Variants in RHAG observed in about 807,000 individuals in gnomAD.
RHAG encodes the protein ammonium transporter Rh type A.
A neutral mutation model predicts 42.4 loss-of-function variants in RHAG; 25 were observed. That is an observed-to-expected ratio of 0.59 (90% CI 0.43 to 0.82). RHAG has a LOEUF of 0.82. Among genes scored for constraint, RHAG ranks in the 40% least tolerant of loss-of-function variants. RHAG has a pLI of 0.00. For synonymous variants in RHAG, 182 were observed against 177.7 expected (o/e 1.02, Z -0.19); for missense variants, 483 against 504.6 (o/e 0.96, Z 0.41).
intron 6 of RHAG, among the ~76,000 whole-genome samples, chr6:49,611,736 C>G (rs960293311): frequency 1.3e-5 from 2 of 148,354 alleles, no homozygotes; most frequent in African/African-American, 5.1e-5. Context: ...CATCCTAAAT[C>G]TCTCTTTTTT....
rs749005033 is a variant in RHAG at position 49,611,073 on chromosome 6, C to T, written c.1018G>A (p.Val340Met). 6.8e-5 allele frequency: 109 copies of T among 1,613,788 alleles called. No homozygotes were observed. Among genetic ancestry groups the T allele is most frequent in the Non-Finnish European group, 8.9e-5 (105 of 1,179,878 alleles). ...GCCACAATGCCTGCAAGGCCTCCCA[C>T]TACACCAGGTAAGCCGTGGAGGTTA... Reference protein sequence around the residue: ...VHNLHGLPGVVGGLAGIVAVA... With the variant: ...VHNLHGLPGVMGGLAGIVAVA... The change falls in exon 7 of 10, where the codon GTG (valine) becomes ATG (methionine). Residue 340 changes from valine to methionine, a missense_variant. By Grantham distance (21) the Val-to-Met change is conservative (BLOSUM62 1). Transcript: ENST00000371175.
At chr6:49,617,617 A>G (rs983814530) in intron 3 of RHAG, among the ~76,000 whole-genome samples, 2 of 152,198 alleles carry the variant, frequency 1.3e-5, no homozygotes, top group Non-Finnish European at 2.9e-5. Context: ...CCTGGGGGGA[A>G]TCAATGAAAT....
chr6:49,618,181 T>C lies in RHAG; in HGVS notation c.379A>G (p.Ile127Val). The change falls in exon 3 of 10, where the codon ATA (isoleucine) becomes GTA (valine). Residue 127 changes from isoleucine to valine, a missense_variant. Coordinates refer to ENST00000371175, the MANE Select transcript of RHAG (RefSeq NM_000324.3). ...NADFSAATVL[I>V]SFGAVLGKTS... is the part of the protein sequence containing the mutation. ...TTTCCCAGGACAGCTCCAAAAGATA[T>C]CAGAACTGTGGCTGCACTGAAGTCT... 1.2e-6 allele frequency: 2 copies of C among 1,614,136 alleles called. No homozygotes were observed. The highest frequency in any genetic ancestry group is 8.5e-7 in the Non-Finnish European group (1 of 1,180,020).
At chr6:49,614,941 T>C (rs1386210699) in intron 4 of RHAG, 88 bp from the exon 5 acceptor site, 16 of 1,187,504 alleles carry the variant, frequency 1.3e-5, no homozygotes, top group Non-Finnish European at 1.9e-5. Flanking sequence ...TATTTACTTA[T>C]TTATTTGTTT....
intron 1 of RHAG, among the ~76,000 whole-genome samples, chr6:49,633,897 A>T (rs577321315): frequency 3.8e-4 from 58 of 152,208 alleles, no homozygotes; most frequent in Non-Finnish European, 7.9e-4. Flanking sequence ...CTGGTCACAT[A>T]TCTCCTTGTC....
Position 49,605,555 on chromosome 6 carries a change from T to C in RHAG, c.*258A>G. ...GAATCCTGGAGAAGATCTATTTGAT[T>C]ATCTGTTTTATGAGTAACATCCCCT... is the stretch of plus-strand genomic sequence containing the variant. On this transcript the variant is annotated 3_prime_UTR_variant, in exon 10 of 10. Transcript: ENST00000371175. 1 of 550,580 alleles carries C rather than the reference T, an allele frequency of 1.8e-6. No homozygotes were observed. Among genetic ancestry groups the C allele is most frequent in the Non-Finnish European group, 3.3e-6 (1 of 304,992 alleles). 34.1% of individuals were successfully genotyped at this position (550,580 alleles called of 1,614,324 possible). A position where few individuals can be genotyped will look rare whatever the true frequency, so the allele number is the denominator to read the frequency against.
At chr6:49,613,915 A>G (rs1458304794) in intron 5 of RHAG, among the ~76,000 whole-genome samples, 2 of 152,198 alleles carry the variant, frequency 1.3e-5, no homozygotes, top group African/African-American at 2.4e-5. Flanking sequence ...CTAGTATCCT[A>G]TTGAAGATCC....
At chr6:49,614,935 TACTTA>T in intron 4 of RHAG, 82 bp from the exon 5 acceptor site, 2 of 1,251,716 alleles carry the variant, frequency 1.6e-6, no homozygotes, top group Non-Finnish European at 2.3e-6. Context: ...TTTATTTATT[TACTTA>T]TTTATTTGTT....
At chr6:49,636,195 T>G (rs1002439276) in intron 1 of RHAG, among the ~76,000 whole-genome samples, 1 of 152,138 alleles carries the variant, frequency 6.6e-6, no homozygotes, top group Non-Finnish European at 1.5e-5. Flanking sequence ...TCCATTAACT[T>G]CCTACATCAT....
intron 7 of RHAG, 68 bp downstream of exon 7, chr6:49,610,956 C>A: frequency 6.3e-7 from 1 of 1,595,088 alleles, no homozygotes; most frequent in Non-Finnish European, 8.6e-7. Flanking sequence ...TGAAAACTCT[C>A]CCATTTCTCA....
intron 3 of RHAG, among the ~76,000 whole-genome samples, chr6:49,616,902 G>T (rs1762666060): frequency 6.6e-6 from 1 of 152,186 alleles, no homozygotes; most frequent in Non-Finnish European, 1.5e-5. Context: ...TCAGGAAGAT[G>T]GGAGGTGGCT....
At chr6:49,621,985 C>G (rs1322391526) in intron 1 of RHAG, among the ~76,000 whole-genome samples, 1 of 140,080 alleles carries the variant, frequency 7.1e-6, no homozygotes, top group African/African-American at 2.6e-5. Flanking sequence ...TCCTAACATT[C>G]TTTTTTTTTT....
At chr6:49,622,931 G>A (rs987942854) in intron 1 of RHAG, among the ~76,000 whole-genome samples, 6 of 151,392 alleles carry the variant, frequency 4.0e-5, no homozygotes, top group Non-Finnish European at 2.9e-5. Context: ...CGCCTCCCGG[G>A]TTCACGCCAT....
chr6:49,623,825 A>G (rs1762801004), intron 1 of RHAG, among the ~76,000 whole-genome samples: 1 of 152,234 alleles, frequency 6.6e-6, no homozygotes, highest in African/African-American at 2.4e-5. Flanking sequence ...TAAGCGGTGT[A>G]AAACTTTAAT....
At chr6:49,610,896 C>T in intron 7 of RHAG, 128 bp downstream of exon 7, 2 of 1,081,106 alleles carry the variant, frequency 1.8e-6, no homozygotes, top group Non-Finnish European at 2.8e-6. Flanking sequence ...TCAGGCGCGT[C>T]TCTTTGGCTC....
chr6:49,612,010 A>G (rs984162336), intron 6 of RHAG, among the ~76,000 whole-genome samples: 1 of 151,914 alleles, frequency 6.6e-6, no homozygotes, highest in Non-Finnish European at 1.5e-5. Context: ...CAGCCTCCCA[A>G]AGTGCTGGGA....
At chr6:49,609,742 T>G (rs1002417080) in intron 7 of RHAG, among the ~76,000 whole-genome samples, 1 of 152,234 alleles carries the variant, frequency 6.6e-6, no homozygotes, top group African/African-American at 2.4e-5. Context: ...CAGGGTTAAA[T>G]TTTAATCTGC....
chr6:49,636,639 G>A lies in RHAG; in HGVS notation c.157+17C>T, dbSNP rs768786444. 6 of 1,613,392 alleles carry A rather than the reference G, an allele frequency of 3.7e-6. No individual in the cohort carries two copies. The highest frequency in any genetic ancestry group is 1.7e-5 in the Admixed American group (1 of 59,996). The stretch of plus-strand genomic sequence containing the variant: ...AGAACCGAAAAATGTATAGTAAGTA[G>A]TAAATTGCCTACTCACGAGGATATA... On this transcript the variant is annotated intron_variant, in intron 1 of 9. Coordinates refer to ENST00000371175, the MANE Select transcript of RHAG (RefSeq NM_000324.3).
At chr6:49,630,929 G>A (rs571708753) in intron 1 of RHAG, among the ~76,000 whole-genome samples, 53 of 152,188 alleles carry the variant, frequency 3.5e-4, no homozygotes, top group Non-Finnish European at 6.5e-4. Context: ...GTCTTTAGAC[G>A]CCTTTGATTT....
Sources: allele counts gnomAD v4.1 joint callset (sites outside exome capture counted in the v4.1 genomes callset), GRCh38; gene constraint gnomAD v4.1.1; transcripts MANE v1.5; gene names NCBI Gene and HGNC (gene_info 2026-07-23, HGNC 2026-07-21).